PRDM16: variants seen among roughly 807,000 people sequenced by gnomAD.
PRDM16 encodes the protein histone-lysine N-methyltransferase PRDM16.
PRDM16 carries 23 observed loss-of-function variants against 110.6 expected under a neutral mutation model. The observed-to-expected ratio is 0.21, with a 90% CI of 0.15 to 0.29. The LOEUF (loss-of-function observed/expected upper bound fraction) is 0.29. Among genes scored for constraint, PRDM16 ranks in the 10% least tolerant of loss-of-function variants. PRDM16 has a pLI of 1.00. For missense variants in PRDM16, 1,615 were observed against 1,794.3 expected (o/e 0.90, Z 1.81); for synonymous variants, 799 against 781.8 (o/e 1.02, Z -0.37).
At chr1:3,196,569 C>A (rs1638481902) in intron 2 of PRDM16, among the ~76,000 whole-genome samples, 1 of 152,142 alleles carries the variant, frequency 6.6e-6, no homozygotes, top group Non-Finnish European at 1.5e-5. Flanking sequence ...CCCCAGGGTG[C>A]CCGTGGCACC....
chr1:3,304,747 C>T (rs1369643879), intron 3 of PRDM16, among the ~76,000 whole-genome samples: 1 of 132,538 alleles, frequency 7.5e-6, no homozygotes, highest in African/African-American at 3.7e-5. Context: ...CCCTTCGCTC[C>T]CTGCAGGGGC....
chr1:3,112,898 CCTT>C (rs1642829559), intron 1 of PRDM16, among the ~76,000 whole-genome samples: 2 of 152,256 alleles, frequency 1.3e-5, no homozygotes, highest in African/African-American at 4.8e-5. Flanking sequence ...CCCGGGCCAT[CCTT>C]CTTGCGGGGA....
intron 1 of PRDM16, among the ~76,000 whole-genome samples, chr1:3,180,946 T>A (rs1291156762): frequency 1.6e-5 from 2 of 125,610 alleles, no homozygotes; most frequent in Admixed American, 7.5e-5. Context: ...ACACGCAGCC[T>A]TACACACGCA....
intron 2 of PRDM16, among the ~76,000 whole-genome samples, chr1:3,215,733 C>T (rs1417773105): frequency 6.6e-6 from 1 of 152,130 alleles, no homozygotes; most frequent in South Asian, 2.1e-4. Flanking sequence ...AGCCCCTGCC[C>T]TCCTCCTCGG....
intron 3 of PRDM16, among the ~76,000 whole-genome samples, chr1:3,352,797 A>G (rs575643039): frequency 6.6e-6 from 1 of 151,640 alleles, no homozygotes; most frequent in African/African-American, 2.4e-5. Flanking sequence ...CCCCGCCCCC[A>G]ACTCATCCCC....
At chr1:3,405,032 C>A in intron 7 of PRDM16, 146 bp downstream of exon 7, 1 of 812,238 alleles carries the variant, frequency 1.2e-6, no homozygotes, top group Non-Finnish European at 1.9e-6. Context: ...GGCTCGGGCC[C>A]TTCCGTGTGA....
chr1:3,251,852 A>T (rs1639940916), intron 3 of PRDM16, among the ~76,000 whole-genome samples: 1 of 152,252 alleles, frequency 6.6e-6, no homozygotes, highest in African/African-American at 2.4e-5. Flanking sequence ...TAGGAGAGAA[A>T]AATAGATCAG....
At chr1:3,140,833 G>A (rs190576523) in intron 1 of PRDM16, among the ~76,000 whole-genome samples, 5 of 152,372 alleles carry the variant, frequency 3.3e-5, no homozygotes, top group Admixed American at 3.3e-4. Context: ...CGACGGATGG[G>A]CTTCCCTCGG....
intron 1 of PRDM16, among the ~76,000 whole-genome samples, chr1:3,181,767 CA>C (rs1557510407): frequency 3.0e-5 from 4 of 132,456 alleles, no homozygotes; most frequent in African/African-American, 1.2e-4. Flanking sequence ...GTCTTACACA[CA>C]GTCTTACACA....
intron 1 of PRDM16, among the ~76,000 whole-genome samples, chr1:3,079,899 T>C (rs1193683342): frequency 1.3e-5 from 2 of 152,226 alleles, no homozygotes; most frequent in African/African-American, 4.8e-5. Flanking sequence ...TTCCCTGCCC[T>C]CTTGTGCCTT....
chr1:3,186,407 G>A lies in PRDM16; in HGVS notation c.320G>A (p.Gly107Glu), dbSNP rs1216037652. The A allele has an allele frequency of 6.2e-7, 1 of 1,600,360 alleles. No individual in the cohort carries two copies. The highest frequency in any genetic ancestry group is 1.3e-5 in the African/African-American group (1 of 74,480). Residue 107 changes from glycine (G) to glutamate (E), a missense_variant, in exon 2 of 17, where the codon GGG (glycine) becomes GAG (glutamate). Physicochemically the swap from Gly to Glu is moderately conservative, Grantham distance 98 (BLOSUM62 -2). Around this residue, in one of 5 missense-constraint regions of PRDM16, gnomAD observed 416 missense variants for 467.1 expected, o/e 0.89. Coordinates refer to ENST00000270722, the MANE Select transcript of PRDM16 (RefSeq NM_022114.4). ...GVWAKRKMEAGERLGPCVVVP... is the reference protein window; with the variant it reads ...GVWAKRKMEAEERLGPCVVVP... ...TGGGCCAAGAGGAAGATGGAAGCCG[G>A]GGAGAGGCTGGGCCCCTGCGTGGTG... is the stretch of plus-strand genomic sequence containing the variant.
intron 1 of PRDM16, among the ~76,000 whole-genome samples, chr1:3,161,893 A>G (rs1643900509): frequency 6.6e-6 from 1 of 152,176 alleles, no homozygotes; most frequent in Non-Finnish European, 1.5e-5. Context: ...AAAGATGTTT[A>G]ACAAAAACAG....
At chr1:3,427,327 CCT>C (rs1226123054) in intron 14 of PRDM16, among the ~76,000 whole-genome samples, 1 of 152,196 alleles carries the variant, frequency 6.6e-6, no homozygotes, top group Non-Finnish European at 1.5e-5. Context: ...GGGGTGATCC[CCT>C]GATTCTACAG....
Position 3,411,607 on chromosome 1 carries a change from C to T in PRDM16, c.1410C>T (p.Asp470=). ...CCTTGACCCCCAGCCCCATGATGGA[C>T]AAGGCAAAACCCTCCCCCAGCCTCA... The part of the protein sequence containing the change: ...GLPLTPSPMM[D]KAKPSPSLNH... The change falls in exon 9 of 17, where the codon GAC becomes GAT. Residue 470 remains aspartate, a synonymous_variant. Transcript: ENST00000270722. The T allele has an allele frequency of 6.2e-7, 1 of 1,613,968 alleles. No individual in the cohort carries two copies. Among genetic ancestry groups the T allele is most frequent in the Non-Finnish European group, 8.5e-7 (1 of 1,179,978 alleles).
intron 8 of PRDM16, among the ~76,000 whole-genome samples, chr1:3,408,586 G>A (rs970384079): frequency 6.6e-6 from 1 of 151,788 alleles, no homozygotes; most frequent in African/African-American, 2.4e-5. Context: ...GAGCGTGTGA[G>A]TGTGGGTGTG....
chr1:3,429,022 G>A (rs1294035615), intron 14 of PRDM16, among the ~76,000 whole-genome samples: 3 of 152,270 alleles, frequency 2.0e-5, no homozygotes, highest in Admixed American at 2.0e-4. Context: ...GATGGCCAAG[G>A]AGGGCCAAGG....
chr1:3,393,253 T>A (rs1643326092), intron 4 of PRDM16, among the ~76,000 whole-genome samples: 1 of 152,264 alleles, frequency 6.6e-6, no homozygotes. Context: ...AAGGCATAGA[T>A]GCCTAGATGC....
intron 3 of PRDM16, among the ~76,000 whole-genome samples, chr1:3,262,062 A>G (rs1640175355): frequency 6.6e-6 from 1 of 152,202 alleles, no homozygotes; most frequent in Non-Finnish European, 1.5e-5. Flanking sequence ...TGTTTATTTG[A>G]CTAATGCGCC....
chr1:3,412,691 A>G lies in PRDM16; in HGVS notation c.2494A>G (p.Lys832Glu). The G allele has an allele frequency of 6.7e-7, 1 of 1,497,240 alleles. No homozygotes were observed. The highest frequency in any genetic ancestry group is 8.9e-7 in the Non-Finnish European group (1 of 1,123,568). 92.7% of individuals were successfully genotyped at this position (1,497,240 alleles called of 1,614,324 possible). A position where few individuals can be genotyped will look rare whatever the true frequency, so the allele number is the denominator to read the frequency against. ...PRKNHVYGER[K>E]LGAGEGLPQV... is the part of the protein sequence containing the mutation. The stretch of plus-strand genomic sequence containing the variant: ...CAAGAACCACGTCTATGGGGAACGC[A>G]AGCTGGGCGCCGGCGAGGGGCTGCC... The change falls in exon 9 of 17, where the codon AAG becomes GAG. Residue 832 changes from lysine (K) to glutamate (E), a missense_variant. Physicochemically the swap from Lys to Glu is moderately conservative, Grantham distance 56 (BLOSUM62 1). Transcript: ENST00000270722.
Sources: gnomAD v4.1 joint callset for allele counts (sites outside exome capture counted in the v4.1 genomes callset) on GRCh38, gnomAD v4.1.1 for gene constraint, gnomAD v4.1.1 regional missense constraint, MANE v1.5 for transcripts, NCBI Gene and HGNC (gene_info 2026-07-23, HGNC 2026-07-21) for gene names.